SRP19: variants seen among roughly 807,000 people sequenced by gnomAD.
SRP19 encodes signal recognition particle 19 kDa protein.
In SRP19, 11 loss-of-function variants were observed where a neutral mutation model predicts 22.4. The observed-to-expected ratio is 0.49, with a 90% CI of 0.31 to 0.81. The LOEUF is 0.81. Among genes scored for constraint, SRP19 ranks in the 40% least tolerant of loss-of-function variants. The probability of loss-of-function intolerance (pLI) is 0.05; values close to 1 mark genes in which losing one functional copy is unlikely to be tolerated. For synonymous variants in SRP19, 61 were observed against 57.6 expected (o/e 1.06, Z -0.27); for missense variants, 168 against 175.9 (o/e 0.96, Z 0.25).
In SRP19 at chr5:112,869,705, C is replaced by G. The variant is rs1251845708; in HGVS notation, c.*2168C>G. The G allele has an allele frequency of 4.6e-5, 7 of 152,154 alleles. No homozygotes were observed. The highest frequency in any genetic ancestry group is 7.3e-5 in the Non-Finnish European group (5 of 68,050). The allele number at this position is 152,154 out of a possible 1,614,324, so 9.4% of individuals were successfully genotyped here. ...TGGGGGCAATTTCCCCTGTGCTGTTCTTGAGATAATGAGTGACTCTCAGGA... is the reference window on the plus strand; with the variant it reads ...TGGGGGCAATTTCCCCTGTGCTGTTGTTGAGATAATGAGTGACTCTCAGGA... On this transcript the variant is annotated 3_prime_UTR_variant, in exon 5 of 5. Coordinates refer to ENST00000505459, the MANE Select transcript of SRP19 (RefSeq NM_003135.3).
At chr5:112,893,266 C>T (rs1768557568), downstream of SRP19, 1 of 277,492 alleles carries the variant, frequency 3.6e-6, no homozygotes, top group African/African-American at 2.3e-5. Flanking sequence ...AAAAATTAGC[C>T]AGGTGTGGTG....
intron 4 of SRP19, among the ~76,000 whole-genome samples, chr5:112,866,434 C>T (rs1223321683): frequency 3.3e-5 from 5 of 152,172 alleles, no homozygotes; most frequent in Non-Finnish European, 7.4e-5. Context: ...GCAGTCTTGA[C>T]CTCTTGGGCT....
At chr5:112,877,529 A>G (rs925488931) in intron 4 of SRP19, 4 of 152,188 alleles carry the variant, frequency 2.6e-5, no homozygotes, top group African/African-American at 7.2e-5. Context: ...CAGCTTATCA[A>G]CACAAAGAAT....
At chr5:112,889,883 G>A (rs1392679707) in intron 4 of SRP19, among the ~76,000 whole-genome samples, 2 of 147,010 alleles carry the variant, frequency 1.4e-5, no homozygotes, top group African/African-American at 5.2e-5. Context: ...CTGGAGTGCT[G>A]TGGCACAATA....
At chr5:112,877,691 A>G (rs1455294225) in intron 4 of SRP19, 1 of 152,246 alleles carries the variant, frequency 6.6e-6, no homozygotes, top group East Asian at 1.9e-4. Flanking sequence ...ACTTCCTTTC[A>G]TTCTCCCAGA....
chr5:112,876,637 T>C (rs1305047637), intron 4 of SRP19: 1 of 152,230 alleles, frequency 6.6e-6, no homozygotes, highest in Non-Finnish European at 1.5e-5. Context: ...TTTGAAACAC[T>C]ATTCACATTC....
rs35932072 is a variant in SRP19, at chr5:112,889,829, AT to A, written c.302-1759del. 1.5e-3 allele frequency among the ~76,000 whole-genome samples: 209 copies of A among 139,296 alleles called. 6 individuals carry two copies. Among genetic ancestry groups the A allele is most frequent in the Middle Eastern group, 7.3e-3 (2 of 274 alleles). The allele number at this position is 139,296 out of a possible 152,430, so 91.4% of individuals were successfully genotyped here. A position where few individuals can be genotyped will look rare whatever the true frequency, so the allele number is the denominator to read the frequency against. On this transcript the variant is annotated intron_variant, in intron 4 of 4. Transcript: ENST00000391338. ...AGACCACATCTCTAGGAAAAAAAAAATTTTTTTTTTTTTTTGAGACTGATTC... is the reference window on the plus strand; with the variant it reads ...AGACCACATCTCTAGGAAAAAAAAAATTTTTTTTTTTTTTGAGACTGATTC...
chr5:112,881,768 A>G (rs1768082480), intron 4 of SRP19, among the ~76,000 whole-genome samples: 1 of 151,702 alleles, frequency 6.6e-6, no homozygotes, highest in African/African-American at 2.4e-5. Context: ...CACTACTCCT[A>G]TTATTTATTT....
intron 4 of SRP19, among the ~76,000 whole-genome samples, chr5:112,890,219 G>A (rs1768393748): frequency 6.6e-6 from 1 of 150,408 alleles, no homozygotes; most frequent in African/African-American, 2.5e-5. Flanking sequence ...GACCTTGGGA[G>A]GTCGAGACTG....
At chr5:112,873,908 A>T (rs1298187939), downstream of SRP19, among the ~76,000 whole-genome samples, 1 of 152,126 alleles carries the variant, frequency 6.6e-6, no homozygotes, top group African/African-American at 2.4e-5. Context: ...TCACACCTGT[A>T]ATCTCAGCAC....
intron 4 of SRP19, chr5:112,886,869 CA>C: frequency 1.8e-6 from 1 of 565,254 alleles, no homozygotes; most frequent in Middle Eastern, 5.2e-4. Context: ...TCTCAATAGG[CA>C]AAGACTTTGT....
chr5:112,891,213 C>T (rs1476244145), intron 4 of SRP19, among the ~76,000 whole-genome samples: 2 of 152,090 alleles, frequency 1.3e-5, no homozygotes, highest in Non-Finnish European at 2.9e-5. Context: ...GCTGGGATTA[C>T]AGGCACGTGC....
At position 112,868,086 on chromosome 5, in the gene SRP19, ATTATT is replaced by A; in HGVS notation, c.*550_*554del. 1.0e-6 allele frequency: 1 copy of A among 985,414 alleles called. No homozygotes were observed. Among genetic ancestry groups the A allele is most frequent in the East Asian group, 1.1e-4 (1 of 8,824 alleles). 61.0% of individuals were successfully genotyped at this position (985,414 alleles called of 1,614,324 possible). ...CAGTCTGTAGATGATATTTTAATATATTATTGTAATCGAATCGTTCAGTTGTTTTT... is the reference window on the plus strand; with the variant it reads ...CAGTCTGTAGATGATATTTTAATATAGTAATCGAATCGTTCAGTTGTTTTT... On this transcript the variant is annotated 3_prime_UTR_variant, in exon 5 of 5. Coordinates refer to ENST00000505459, the MANE Select transcript of SRP19 (RefSeq NM_003135.3).
chr5:112,893,371 C>T (rs1580740273), downstream of SRP19: 3 of 206,450 alleles, frequency 1.5e-5, no homozygotes, highest in East Asian at 3.9e-4. Context: ...CATCATGCCA[C>T]TTCACTCCAG....
At chr5:112,896,310 G>A (rs1430884835), downstream of SRP19, 1 of 152,560 alleles carries the variant, frequency 6.6e-6, no homozygotes, top group Non-Finnish European at 1.5e-5. Flanking sequence ...GATCACCTGA[G>A]GTCAGGAGTT....
chr5:112,893,077 TA>T, exon 5 of SRP19: 1 of 797,482 alleles, frequency 1.3e-6, no homozygotes. Flanking sequence ...CCAATCCAAA[TA>T]AACTAGTTTT....
intron 4 of SRP19, chr5:112,891,568 C>G: frequency 6.5e-7 from 1 of 1,548,526 alleles, no homozygotes; most frequent in Non-Finnish European, 8.7e-7. Context: ...CTGACAGTGG[C>G]AGCTATGAAC....
intron 4 of SRP19, among the ~76,000 whole-genome samples, chr5:112,889,821 A>G (rs1369940543): frequency 7.8e-6 from 1 of 128,016 alleles, no homozygotes; most frequent in African/African-American, 3.7e-5. Context: ...ATCTCTAGGA[A>G]AAAAAAAATT....
chr5:112,894,131 T>C (rs1480894484), downstream of SRP19: 1 of 151,350 alleles, frequency 6.6e-6, no homozygotes, highest in Non-Finnish European at 1.5e-5. Flanking sequence ...TTTGTTTTTT[T>C]TTTTTTTTTG....
Sources: allele counts gnomAD v4.1 joint callset (sites outside exome capture counted in the v4.1 genomes callset), GRCh38; gene constraint gnomAD v4.1.1; transcripts MANE v1.5; gene names NCBI Gene and HGNC (gene_info 2026-07-23, HGNC 2026-07-21).